DZIP1L: variants seen among roughly 807,000 people sequenced by gnomAD.
DZIP1L encodes cilium assembly protein DZIP1L.
Under a neutral mutation model 88.7 loss-of-function variants are expected in DZIP1L, and 90 were observed. The ratio of observed to expected loss-of-function variants is 1.02; its 90% CI spans 0.86 to 1.21. The LOEUF is 1.21. DZIP1L is among the 50% of genes most tolerant of loss of function. The pLI is 0.00. For missense variants in DZIP1L, 932 were observed against 955.8 expected, an observed-to-expected ratio of 0.98 and a Z score of 0.33; for synonymous variants, 363 against 372.1, an observed-to-expected ratio of 0.98 and a Z score of 0.28.
At chr3:138,071,973 G>C in intron 11 of DZIP1L, 138 bp from the exon 12 acceptor site, 1 of 831,924 alleles carries the variant, frequency 1.2e-6, no homozygotes, top group Non-Finnish European at 1.8e-6. Flanking sequence ...TGGGGGGCAT[G>C]AAATGAGGAT....
chr3:138,094,854 C>T lies in DZIP1L; in HGVS notation c.708+8G>A. The T allele has an allele frequency of 6.2e-7, 1 of 1,614,170 alleles. No individual in the cohort carries two copies. The highest frequency in any genetic ancestry group is 8.5e-7 in the Non-Finnish European group (1 of 1,180,002). ...CAAGTCTCCCTGATGTTTTCTCTCCCTGCCCACCTGGAGCTGCCGCTGCCT... is the reference window on the plus strand; with the variant it reads ...CAAGTCTCCCTGATGTTTTCTCTCCTTGCCCACCTGGAGCTGCCGCTGCCT... On this transcript the variant is annotated splice_region_variant and intron_variant, in intron 4 of 15. Transcript: ENST00000327532.
intron 2 of DZIP1L, chr3:138,101,343 C>T (rs1347866156): frequency 6.7e-6 from 4 of 596,078 alleles, no homozygotes; most frequent in African/African-American, 3.7e-5. Context: ...TAAACTCCCC[C>T]GCAGGTGGGT....
chr3:138,063,173 G>C lies in DZIP1L; in HGVS notation c.2143-196C>G, dbSNP rs1257572493. On this transcript the variant is annotated intron_variant, in intron 15 of 15. Coordinates refer to ENST00000327532, the MANE Select transcript of DZIP1L (RefSeq NM_173543.3). The surrounding 1 kb of genome is among the most constrained non-coding windows in gnomAD (Gnocchi z 4.1). ...TTGAGAACCTGCTTTAGTGACCTGG[G>C]ATCAGGGTGATTTCAAATACCCCTG... Among the ~76,000 whole-genome samples, 2 of 152,120 alleles carry C rather than the reference G, an allele frequency of 1.3e-5. No homozygotes were observed. The highest frequency in any genetic ancestry group is 4.8e-5 in the African/African-American group (2 of 41,428).
intron 1 of DZIP1L, among the ~76,000 whole-genome samples, chr3:138,111,866 G>C (rs2042625812): frequency 6.6e-6 from 1 of 152,062 alleles, no homozygotes; most frequent in African/African-American, 2.4e-5. Context: ...ATGGTGGTGG[G>C]TGCCTGTAAT....
chr3:138,086,877 TGG>T, intron 7 of DZIP1L, 82 bp downstream of exon 7: 1 of 1,401,306 alleles, frequency 7.1e-7, no homozygotes, highest in East Asian at 2.3e-5. Flanking sequence ...GGGGAGATGG[TGG>T]GTGAGGGGGC....
At chr3:138,071,946 T>C in intron 11 of DZIP1L, 111 bp from the exon 12 acceptor site, 3 of 1,058,912 alleles carry the variant, frequency 2.8e-6, no homozygotes, top group Non-Finnish European at 4.0e-6. Flanking sequence ...CAGTGCCTGG[T>C]GCTTTTCTTG....
chr3:138,080,791 G>C (rs944440917), intron 9 of DZIP1L, among the ~76,000 whole-genome samples, 171 bp from the exon 10 acceptor site: 1 of 152,182 alleles, frequency 6.6e-6, no homozygotes, highest in African/African-American at 2.4e-5. Flanking sequence ...AGAAAGATCA[G>C]AGTCCACACA....
chr3:138,114,680 C>T (rs148762032), intron 1 of DZIP1L, among the ~76,000 whole-genome samples: 285 of 152,278 alleles, frequency 1.9e-3, no homozygotes, highest in Non-Finnish European at 3.3e-3. Context: ...GCAGGGGCAG[C>T]CTAGGCCCTG....
chr3:138,071,990 A>G (rs567335590), intron 11 of DZIP1L, among the ~76,000 whole-genome samples, 155 bp from the exon 12 acceptor site: 66 of 152,298 alleles, frequency 4.3e-4, no homozygotes, highest in African/African-American at 1.6e-3. Context: ...GGATCAGAGA[A>G]GGGTAAGCAG....
intron 1 of DZIP1L, among the ~76,000 whole-genome samples, chr3:138,110,331 T>G (rs1170798990): frequency 3.3e-5 from 5 of 152,010 alleles, no homozygotes; most frequent in Non-Finnish European, 4.4e-5. Context: ...GGGATAGCAT[T>G]AGGAGAAATA....
rs902380379 is a variant in DZIP1L at position 138,103,618 on chromosome 3, G to T, written c.354C>A (p.Ser118Arg). 1.9e-6 allele frequency: 3 copies of T among 1,606,394 alleles called. No individual in the cohort carries two copies. The highest frequency in any genetic ancestry group is 1.3e-5 in the African/African-American group (1 of 74,898). The change falls in exon 2 of 16, where the codon AGC becomes AGA. Residue 118 changes from serine (S) to arginine (R), a missense_variant. By Grantham distance (110) the Ser-to-Arg change is moderately radical. Transcript: ENST00000327532. ...GCTGACCACGCTGCTGCTGGCCCAGGCTGGTCTGCAGCCGTGCCTCCAGCT... is the reference window on the plus strand; with the variant it reads ...GCTGACCACGCTGCTGCTGGCCCAGTCTGGTCTGCAGCCGTGCCTCCAGCT... ...VAQLEARLQT[S>R]LGQQQRGQQE... is the part of the protein sequence containing the mutation.
Position 138,094,825 on chromosome 3 carries a change from G to A in DZIP1L, c.708+37C>T, listed in dbSNP as rs200560055. On this transcript the variant is annotated intron_variant, in intron 4 of 15. Transcript: ENST00000327532. ...ATCAAGGGTCTCCTGGGTAGTCCAT[G>A]ACCCAAGTCTCCCTGATGTTTTCTC... 2.0e-5 allele frequency: 32 copies of A among 1,613,278 alleles called. 1 individual carries two copies. The highest frequency in any genetic ancestry group is 1.8e-4 in the South Asian group (16 of 90,908).
intron 1 of DZIP1L, among the ~76,000 whole-genome samples, chr3:138,105,244 G>A (rs1231352700): frequency 2.0e-5 from 3 of 152,080 alleles, no homozygotes; most frequent in Non-Finnish European, 4.4e-5. Flanking sequence ...GTCTATGAGA[G>A]GAGGGAGGGA....
chr3:138,091,159 C>T (rs548941015), intron 5 of DZIP1L, among the ~76,000 whole-genome samples: 3 of 151,822 alleles, frequency 2.0e-5, no homozygotes, highest in Middle Eastern at 3.4e-3. Flanking sequence ...TGCGCCCAGC[C>T]CAGGGATAAC....
At chr3:138,087,668 C>T (rs377567360) in intron 6 of DZIP1L, among the ~76,000 whole-genome samples, 3 of 152,312 alleles carry the variant, frequency 2.0e-5, no homozygotes, top group South Asian at 4.1e-4. Flanking sequence ...AAACATCAAT[C>T]GGCAGAAACA....
At chr3:138,077,762 A>G in intron 10 of DZIP1L, 130 bp from the exon 11 acceptor site, 1 of 1,334,574 alleles carries the variant, frequency 7.5e-7, no homozygotes, top group Non-Finnish European at 1.0e-6. Flanking sequence ...TGGAGATTGC[A>G]CTTGAGCCCT....
chr3:138,112,836 A>G (rs1470375446), intron 1 of DZIP1L, among the ~76,000 whole-genome samples: 1 of 152,088 alleles, frequency 6.6e-6, no homozygotes, highest in African/African-American at 2.4e-5. Flanking sequence ...AGTCCCAGCT[A>G]CTCGGGAGGC....
intron 1 of DZIP1L, chr3:138,113,420 AGAG>A (rs1342166606): frequency 2.0e-5 from 3 of 152,240 alleles, no homozygotes; most frequent in Admixed American, 2.0e-4. Flanking sequence ...AATGCAGTCA[AGAG>A]GAGAACTTGA....
chr3:138,079,140 A>G (rs927830906), intron 10 of DZIP1L, among the ~76,000 whole-genome samples: 2 of 152,216 alleles, frequency 1.3e-5, no homozygotes, highest in Admixed American at 1.3e-4. Flanking sequence ...GAAGAGGTAG[A>G]CAAACAGTGT....
Sources: gnomAD v4.1 joint callset for allele counts (sites outside exome capture counted in the v4.1 genomes callset) on GRCh38, gnomAD v4.1.1 for gene constraint, Gnocchi (gnomAD v3.1) non-coding constraint, MANE v1.5 for transcripts, NCBI Gene and HGNC (gene_info 2026-07-23, HGNC 2026-07-21) for gene names.